ADAMTSL2: variants seen among roughly 807,000 people sequenced by gnomAD.
The protein encoded by ADAMTSL2 is ADAMTS like 2, also known as ADAMTS-like protein 2.
In ADAMTSL2, 55 loss-of-function variants were observed where a neutral mutation model predicts 117.0. The observed-to-expected ratio is 0.47, with a 90% CI of 0.38 to 0.59. The LOEUF is 0.59. ADAMTSL2 is among the 20% of genes least tolerant of loss of function. ADAMTSL2 has a pLI of 0.00. For missense variants in ADAMTSL2, 1,182 were observed against 1,354.5 expected (o/e 0.87, Z 2.00); for synonymous variants, 572 against 566.4 (o/e 1.01, Z -0.14).
chr9:133,556,010 C>T, intron 11 of ADAMTSL2, 80 bp downstream of exon 11: 1 of 1,552,168 alleles, frequency 6.4e-7, no homozygotes, highest in Non-Finnish European at 8.7e-7. Context: ...AGTGAGGCCC[C>T]ACTGGGGGGG....
rs796489584 is a variant in ADAMTSL2, at chr9:133,564,336, G to A, written c.1748-2600G>A. Among the ~76,000 whole-genome samples the A allele has an allele frequency of 2.7e-4, 13 of 48,754 alleles. 5 individuals carry two copies. The highest frequency in any genetic ancestry group is 3.8e-4 in the Non-Finnish European group (9 of 23,832). 32.0% of individuals were successfully genotyped at this position (48,754 alleles called of 152,430 possible). On this transcript the variant is annotated intron_variant, in intron 12 of 18. Coordinates refer to ENST00000651351, the MANE Select transcript of ADAMTSL2 (RefSeq NM_014694.4). ...AGAAAGAGAGAGGGAGAGAGAGAAA[G>A]AGAGAGAAAGAGAGAGGGAGAGAGA...
chr9:133,572,546 TGGG>T (rs1460635391), intron 17 of ADAMTSL2, among the ~76,000 whole-genome samples: 1 of 151,798 alleles, frequency 6.6e-6, no homozygotes, highest in African/African-American at 2.4e-5. Context: ...TAGCTTCAGA[TGGG>T]GGGGCCACTG....
At chr9:133,547,441 T>G (rs556944407) in intron 9 of ADAMTSL2, among the ~76,000 whole-genome samples, 6 of 152,388 alleles carry the variant, frequency 3.9e-5, no homozygotes, top group African/African-American at 7.2e-5. Context: ...ACTCGGATTT[T>G]GGTTCATTTC....
intron 9 of ADAMTSL2, among the ~76,000 whole-genome samples, chr9:133,548,088 A>G (rs550601536): frequency 2.0e-5 from 3 of 152,270 alleles, no homozygotes; most frequent in Admixed American, 6.5e-5. Context: ...CCACCCCACA[A>G]CCTGGGCTGT....
At chr9:133,559,644 G>A (rs1369165382) in intron 11 of ADAMTSL2, among the ~76,000 whole-genome samples, 3 of 151,474 alleles carry the variant, frequency 2.0e-5, no homozygotes, top group Non-Finnish European at 4.4e-5. Flanking sequence ...GAGTCACTGC[G>A]CCTGGCCCCC....
chr9:133,550,692 C>T (rs1433521987), intron 9 of ADAMTSL2, among the ~76,000 whole-genome samples: 2 of 151,620 alleles, frequency 1.3e-5, no homozygotes, highest in East Asian at 1.9e-4. Context: ...AGAGACTGGA[C>T]GTTCAGGAGC....
intron 7 of ADAMTSL2, among the ~76,000 whole-genome samples, chr9:133,543,547 T>TGAGGGCTGTCC (rs1830275107): frequency 6.6e-6 from 1 of 152,028 alleles, no homozygotes; most frequent in African/African-American, 2.4e-5. Context: ...CACGGCTGTC[T>TGAGGGCTGTCC]GTGAGGGACA....
chr9:133,533,265 T>G (rs182063287), upstream of ADAMTSL2, among the ~76,000 whole-genome samples: 302 of 151,614 alleles, frequency 2.0e-3, no homozygotes, highest in African/African-American at 7.1e-3. Flanking sequence ...TGGGCCTGGG[T>G]TAGGGTTAGG....
In ADAMTSL2 at chr9:133,572,184, C is replaced by A. The variant is rs1267181842; in HGVS notation, c.2593-1659C>A. On this transcript the variant is annotated intron_variant, in intron 17 of 18. Transcript: ENST00000651351. ...TCCACCCTGCCCCGCCACCCCCCAC[C>A]CCCCACCCCGCCCCAGGGCCTCTGC... is the stretch of plus-strand genomic sequence containing the variant. Among the ~76,000 whole-genome samples, 3 of 150,466 alleles carry A rather than the reference C, an allele frequency of 2.0e-5. No homozygotes were observed. In the East Asian group the frequency reaches 5.9e-4, roughly 30 times the overall value.
rs1444281834 is a variant in ADAMTSL2, at chr9:133,558,702, C to T, written c.1650-2496C>T. ...TGGTGACTCCACAGCCGTCACCAGC[C>T]CCAGTCTAGCAGCTCTGACTTTCAC... On this transcript the variant is annotated intron_variant, in intron 11 of 18. Coordinates refer to ENST00000651351, the MANE Select transcript of ADAMTSL2 (RefSeq NM_014694.4). The surrounding 1 kb of genome is among the most constrained non-coding windows in gnomAD (Gnocchi z 4.3). 6.6e-6 allele frequency among the ~76,000 whole-genome samples: 1 copy of T among 152,176 alleles called. No individual in the cohort carries two copies. The highest frequency in any genetic ancestry group is 2.4e-5 in the African/African-American group (1 of 41,428).
chr9:133,536,046 C>T (rs778855085), intron 1 of ADAMTSL2, among the ~76,000 whole-genome samples: 6 of 152,190 alleles, frequency 3.9e-5, no homozygotes, highest in East Asian at 1.9e-4. Flanking sequence ...ATCTTCTCTC[C>T]GGGGATCGGG....
chr9:133,574,344 G>A (rs904495103), intron 18 of ADAMTSL2, among the ~76,000 whole-genome samples: 3,012 of 152,326 alleles, frequency 0.02, 98 homozygotes, highest in African/African-American at 0.067. Context: ...CACACAGGGG[G>A]CAGGGAGGGG....
chr9:133,566,112 C>T (rs1306030741), intron 12 of ADAMTSL2, among the ~76,000 whole-genome samples: 5 of 152,120 alleles, frequency 3.3e-5, no homozygotes, highest in Admixed American at 2.6e-4. Flanking sequence ...TTACAGAGTA[C>T]GGGGCACCAA....
chr9:133,554,525 C>G lies in ADAMTSL2; in HGVS notation c.1108C>G (p.Leu370Val). ...GGGCTTCGTCCCGCACAACGGCTCC[C>G]TCTACGGCCAGGCCTCCTCAGAGCG... ...LMGFVPHNGS[L>V]YGQASSERLG... is the part of the protein sequence containing the mutation. Residue 370 changes from leucine to valine, a missense_variant, in exon 10 of 19, where the codon CTC becomes GTC. Around this residue, in one of 3 missense-constraint regions of ADAMTSL2, gnomAD observed 345 missense variants for 325.8 expected, o/e 1.06. Transcript: ENST00000651351. The surrounding 1 kb of genome is among the most constrained non-coding windows in gnomAD (Gnocchi z 5.2). The G allele has an allele frequency of 1.3e-6, 2 of 1,549,704 alleles. No individual in the cohort carries two copies. Among genetic ancestry groups the G allele is most frequent in the South Asian group, 2.4e-5 (2 of 84,116 alleles).
At position 133,537,555 on chromosome 9, in the gene ADAMTSL2, G is replaced by C. The variant is rs763208498; in HGVS notation, c.233+8G>C. The C allele has an allele frequency of 7.4e-7, 1 of 1,344,796 alleles. No individual in the cohort carries two copies. The highest frequency in any genetic ancestry group is 9.6e-7 in the Non-Finnish European group (1 of 1,039,138). The allele number at this position is 1,344,796 out of a possible 1,614,324, so 83.3% of individuals were successfully genotyped here. On this transcript the variant is annotated splice_region_variant and intron_variant, in intron 3 of 18. Coordinates refer to ENST00000651351, the MANE Select transcript of ADAMTSL2 (RefSeq NM_014694.4). ...GCACTGCCTGCAGCAGAGGTGCGAG[G>C]TTGGGCACGTGGCCCTGAGGGGATG... is the stretch of plus-strand genomic sequence containing the variant.
At chr9:133,553,676 C>T (rs1830539496) in intron 9 of ADAMTSL2, among the ~76,000 whole-genome samples, 1 of 152,312 alleles carries the variant, frequency 6.6e-6, no homozygotes, top group Non-Finnish European at 1.5e-5. Flanking sequence ...TGACCCTCTC[C>T]GACATCCTAT....
intron 11 of ADAMTSL2, 118 bp from the exon 12 acceptor site, chr9:133,561,080 C>A: frequency 1.2e-6 from 1 of 841,796 alleles, no homozygotes; most frequent in Non-Finnish European, 2.0e-6. Context: ...GGGCTCAGGA[C>A]AGGTGTGTGC....
In ADAMTSL2 at chr9:133,554,715, T is replaced by C. The variant is rs949523987; in HGVS notation, c.1276+22T>C. 60 of 1,468,790 alleles carry C rather than the reference T, an allele frequency of 4.1e-5. No homozygotes were observed. Among genetic ancestry groups the C allele is most frequent in the Non-Finnish European group, 4.9e-5 (54 of 1,107,618 alleles). 91.0% of individuals were successfully genotyped at this position (1,468,790 alleles called of 1,614,324 possible). ...CGAGGTAACCAGGAGGAGGGAGGCA[T>C]GAGGGTGGGGCCCGGGAGGCAGCCC... On this transcript the variant is annotated intron_variant, in intron 10 of 18. Coordinates refer to ENST00000651351, the MANE Select transcript of ADAMTSL2 (RefSeq NM_014694.4). The surrounding 1 kb of genome is among the most constrained non-coding windows in gnomAD (Gnocchi z 5.2).
chr9:133,539,883 GC>G lies in ADAMTSL2; in HGVS notation c.412+13del, dbSNP rs759217368. ...AAGCCTCTGTACCCGGGTACCTGCC[GC>G]CCTGGGGACCCACCTTGCAGGGAGC... On this transcript the variant is annotated intron_variant, in intron 5 of 18. Coordinates refer to ENST00000651351, the MANE Select transcript of ADAMTSL2 (RefSeq NM_014694.4). The G allele has an allele frequency of 1.9e-6, 3 of 1,550,516 alleles. No individual in the cohort carries two copies. The South Asian group carries it at 3.6e-5, about 18-fold the overall frequency.
Sources: allele counts gnomAD v4.1 joint callset (sites outside exome capture counted in the v4.1 genomes callset), GRCh38; gene constraint gnomAD v4.1.1; regional missense constraint gnomAD v4.1.1; non-coding constraint Gnocchi (gnomAD v3.1); transcripts MANE v1.5; gene names NCBI Gene and HGNC (gene_info 2026-07-23, HGNC 2026-07-21).